ANKRD55: variants seen among roughly 807,000 people sequenced by gnomAD.
The protein encoded by ANKRD55 is ankyrin repeat domain-containing protein 55.
Under a neutral mutation model 60.6 loss-of-function variants are expected in ANKRD55, and 41 were observed. That is an observed-to-expected ratio of 0.68 (90% CI 0.53 to 0.88). The LOEUF (loss-of-function observed/expected upper bound fraction) is 0.88, where lower values mean the gene tolerates loss of function less well. Ranked by LOEUF, ANKRD55 falls within the 40% of genes least tolerant of loss-of-function variation. The pLI is 0.00. For missense variants in ANKRD55, 732 were observed against 767.6 expected (o/e 0.95, Z 0.55); for synonymous variants, 264 against 290.3 (o/e 0.91, Z 0.92).
rs568078660 is a variant in ANKRD55, at chr5:56,189,743, G to T, written c.59-6109C>A. Among the ~76,000 whole-genome samples, 332 of 152,236 alleles carry T rather than the reference G, an allele frequency of 2.2e-3. 1 individual carries two copies. Among genetic ancestry groups the T allele is most frequent in the African/African-American group, 7.3e-3 (305 of 41,536 alleles). On this transcript the variant is annotated intron_variant, in intron 2 of 11. Coordinates refer to ENST00000341048, the MANE Select transcript of ANKRD55 (RefSeq NM_024669.3). ...TTACCTGTCAGTGGACACTTGCGTT[G>T]TTCCCATCTTTTGGCTATTGTGAAT...
chr5:56,144,876 T>G (rs940626689), intron 6 of ANKRD55, among the ~76,000 whole-genome samples: 13 of 152,196 alleles, frequency 8.5e-5, no homozygotes, highest in African/African-American at 2.9e-4. Context: ...CTCTTCTCCT[T>G]GCTCACTCAT....
At chr5:56,127,635 C>A (rs1757307851) in intron 7 of ANKRD55, 1 of 925,300 alleles carries the variant, frequency 1.1e-6, no homozygotes, top group Non-Finnish European at 1.3e-6. Flanking sequence ...TCCCAGGGAG[C>A]CTGGGAAGCA....
intron 2 of ANKRD55, among the ~76,000 whole-genome samples, chr5:56,229,512 T>G (rs1760197163): frequency 6.6e-6 from 1 of 152,164 alleles, no homozygotes; most frequent in African/African-American, 2.4e-5. Context: ...TATCCACATT[T>G]ACAGTCAAGG....
At chr5:56,212,064 A>G (rs1186015853) in intron 2 of ANKRD55, among the ~76,000 whole-genome samples, 1 of 132,146 alleles carries the variant, frequency 7.6e-6, no homozygotes, top group African/African-American at 3.4e-5. Context: ...ACACACACAC[A>G]CACACACACA....
chr5:56,157,638 A>G (rs1758226476), intron 6 of ANKRD55, among the ~76,000 whole-genome samples: 1 of 152,204 alleles, frequency 6.6e-6, no homozygotes, highest in Non-Finnish European at 1.5e-5. Flanking sequence ...ATGTTTATGT[A>G]TGTGCACATC....
At chr5:56,146,483 C>T (rs1757900753) in intron 6 of ANKRD55, among the ~76,000 whole-genome samples, 2 of 152,064 alleles carry the variant, frequency 1.3e-5, no homozygotes, top group Admixed American at 6.6e-5. Flanking sequence ...ACAGGTTTCA[C>T]CATGTTGGCC....
chr5:56,100,325 A>G, intron 11 of ANKRD55, 21 bp from the exon 12 acceptor site: 2 of 1,613,878 alleles, frequency 1.2e-6, no homozygotes, highest in Non-Finnish European at 1.7e-6. Context: ...AGAATAGAAC[A>G]AGAGACTTTC....
chr5:56,169,500 G>A (rs1758558885), intron 5 of ANKRD55, among the ~76,000 whole-genome samples: 1 of 151,622 alleles, frequency 6.6e-6, no homozygotes, highest in Admixed American at 6.6e-5. Context: ...TTAACTGTCT[G>A]GGTTTGCTGT....
chr5:56,173,349 C>A (rs903121129), intron 4 of ANKRD55, among the ~76,000 whole-genome samples: 1 of 151,854 alleles, frequency 6.6e-6, no homozygotes. Flanking sequence ...ATGCATGCGC[C>A]ACCACGCCTG....
intron 2 of ANKRD55, among the ~76,000 whole-genome samples, chr5:56,217,578 G>A (rs1759844302): frequency 6.6e-6 from 1 of 152,108 alleles, no homozygotes; most frequent in African/African-American, 2.4e-5. Context: ...GAAAAACTCT[G>A]GAAAGAATTA....
At chr5:56,168,658 T>C (rs1758539720) in intron 5 of ANKRD55, among the ~76,000 whole-genome samples, 2 of 152,170 alleles carry the variant, frequency 1.3e-5, no homozygotes, top group Admixed American at 1.3e-4. Flanking sequence ...CAGACATCGA[T>C]GTGGGTCTTG....
chr5:56,219,723 C>T (rs542822412), intron 2 of ANKRD55, among the ~76,000 whole-genome samples: 1 of 152,210 alleles, frequency 6.6e-6, no homozygotes, highest in African/African-American at 2.4e-5. Context: ...CCATATGCCA[C>T]CTTTTGCACG....
intron 10 of ANKRD55, among the ~76,000 whole-genome samples, chr5:56,109,335 G>C (rs1756598405): frequency 6.6e-6 from 1 of 152,090 alleles, no homozygotes; most frequent in Non-Finnish European, 1.5e-5. Context: ...ATTGCCATTT[G>C]GGAATTTGGG....
intron 6 of ANKRD55, among the ~76,000 whole-genome samples, chr5:56,144,665 G>C (rs1243080223): frequency 6.6e-6 from 1 of 152,220 alleles, no homozygotes; most frequent in South Asian, 2.1e-4. Flanking sequence ...GTACTGGCAT[G>C]ATCAGATGTA....
intron 4 of ANKRD55, among the ~76,000 whole-genome samples, chr5:56,173,566 CTCTCTCTCTCTCTCTCTATATATATATA>C (rs1209951105): frequency 4.4e-5 from 5 of 113,982 alleles, no homozygotes; most frequent in Admixed American, 3.5e-4. Flanking sequence ...CTCTCTCTCT[CTCTCTCTCTCTCTCTCTATATATATATA>C]TATATATATA....
In ANKRD55 at chr5:56,177,299, A is replaced by G. The variant is rs141579933; in HGVS notation, c.182-1017T>C. Among the ~76,000 whole-genome samples, 40 of 152,280 alleles carry G rather than the reference A, an allele frequency of 2.6e-4. No individual in the cohort carries two copies. The East Asian group carries it at 7.3e-3, about 28-fold the overall frequency. ...CTCTTTCAGTCATCTGTACTGGGAA[A>G]AAGCAGCAATGAAGTGCTATGTCTT... On this transcript the variant is annotated intron_variant, in intron 3 of 11. Coordinates refer to ENST00000341048, the MANE Select transcript of ANKRD55 (RefSeq NM_024669.3).
chr5:56,135,008 G>T (rs1016560270), intron 7 of ANKRD55, among the ~76,000 whole-genome samples: 41 of 152,136 alleles, frequency 2.7e-4, no homozygotes, highest in Admixed American at 8.5e-4. Flanking sequence ...TCACATGGTT[G>T]TATCAATAGA....
intron 2 of ANKRD55, among the ~76,000 whole-genome samples, chr5:56,202,849 A>T (rs1759412027): frequency 6.6e-6 from 1 of 152,070 alleles, no homozygotes; most frequent in African/African-American, 2.4e-5. Context: ...TTTCATGTTG[A>T]GCATCTCTCC....
Position 56,111,536 on chromosome 5 carries a change from A to T in ANKRD55, c.1212T>A (p.Val404=). The part of the protein sequence containing the change: ...QEQPGDQVAM[V]EFKKKTSDNS... ...TGTCTGAGGTTTTCTTCTTAAATTC[A>T]ACCATAGCCACCTGATCACCAGGCT... Residue 404 remains valine, a synonymous_variant, in exon 10 of 12, where the codon GTT becomes GTA. Transcript: ENST00000341048. The T allele has an allele frequency of 6.2e-7, 1 of 1,613,976 alleles. No homozygotes were observed. Among genetic ancestry groups the T allele is most frequent in the African/African-American group, 1.3e-5 (1 of 74,986 alleles).
Sources: gnomAD v4.1 joint callset for allele counts (sites outside exome capture counted in the v4.1 genomes callset) on GRCh38, gnomAD v4.1.1 for gene constraint, MANE v1.5 for transcripts, NCBI Gene and HGNC (gene_info 2026-07-23, HGNC 2026-07-21) for gene names.